The following NIPSNAP2 variants were observed in gnomAD, a reference collection of about 807,000 sequenced individuals.
NIPSNAP2 encodes the protein protein NipSnap homolog 2.
In NIPSNAP2, 42 loss-of-function variants were observed where a neutral mutation model predicts 48.4. That is an observed-to-expected ratio of 0.87 (90% confidence interval 0.68 to 1.12). NIPSNAP2 has a LOEUF of 1.12. NIPSNAP2 is among the 50% of genes most tolerant of loss of function. The pLI is 0.00. For synonymous variants in NIPSNAP2, 158 were observed against 126.6 expected, an observed-to-expected ratio of 1.25 and a Z score of -1.67; for missense variants, 314 against 347.3, an observed-to-expected ratio of 0.90 and a Z score of 0.76.
At chr7:55,986,983 T>TTAAAAA (rs1554343490) in intron 7 of NIPSNAP2, among the ~76,000 whole-genome samples, 1 of 54,802 alleles carries the variant, frequency 1.8e-5, no homozygotes, top group Non-Finnish European at 3.2e-5. Context: ...CCTGTCTCTA[T>TTAAAAA]AAAAAAAAAA....
intron 7 of NIPSNAP2, among the ~76,000 whole-genome samples, chr7:55,988,804 G>A (rs1471541750): frequency 6.6e-6 from 1 of 152,006 alleles, no homozygotes; most frequent in East Asian, 1.9e-4. Flanking sequence ...GGTGGAGGTT[G>A]CAGTGAGCCA....
intron 3 of NIPSNAP2, 57 bp downstream of exon 3, chr7:55,978,452 T>G: frequency 2.9e-6 from 4 of 1,359,952 alleles, no homozygotes; most frequent in Non-Finnish European, 4.1e-6. Context: ...ATTTGTTAGT[T>G]AATTCCACTA....
At chr7:55,993,753 G>C (rs977832258) in intron 7 of NIPSNAP2, among the ~76,000 whole-genome samples, 1 of 152,000 alleles carries the variant, frequency 6.6e-6, no homozygotes, top group South Asian at 2.1e-4. Flanking sequence ...AAATTAAAGA[G>C]CTGATACCTT....
chr7:55,976,070 GTA>G (rs1046177182), intron 1 of NIPSNAP2, among the ~76,000 whole-genome samples: 4 of 138,326 alleles, frequency 2.9e-5, no homozygotes, highest in Admixed American at 2.2e-4. Flanking sequence ...GTGTGTGTGT[GTA>G]GAAATTGTTC....
intron 1 of NIPSNAP2, among the ~76,000 whole-genome samples, chr7:55,968,900 A>AG (rs1163633742): frequency 6.6e-6 from 1 of 151,900 alleles, no homozygotes; most frequent in African/African-American, 2.4e-5. Flanking sequence ...TACAACATTT[A>AG]GCAGGGTGTG....
chr7:55,978,164 G>A lies in NIPSNAP2; in HGVS notation c.131G>A (p.Ser44Asn). 6.2e-7 allele frequency: 1 copy of A among 1,614,154 alleles called. No homozygotes were observed. Among genetic ancestry groups the A allele is most frequent in the Non-Finnish European group, 8.5e-7 (1 of 1,180,026 alleles). The stretch of plus-strand genomic sequence containing the variant: ...TCCAGCAACAGATCTCGAGAAGACA[G>A]CTGGCTAAAATCCTTATTTGTCCGG... ...TSSSNRSREDSWLKSLFVRKV... is the reference protein window; with the variant it reads ...TSSSNRSREDNWLKSLFVRKV... Residue 44 changes from serine to asparagine, a missense_variant, in exon 2 of 10, where the codon AGC (serine) becomes AAC (asparagine). Ser to Asn is a conservative substitution (Grantham distance 46). Coordinates refer to ENST00000322090, the MANE Select transcript of NIPSNAP2 (RefSeq NM_001483.3).
At chr7:55,983,700 T>C (rs1361801860) in intron 5 of NIPSNAP2, 28 bp from the exon 6 acceptor site, 1 of 1,612,194 alleles carries the variant, frequency 6.2e-7, no homozygotes. Flanking sequence ...ATCAGAAGAT[T>C]TCATGAGCAC....
intron 7 of NIPSNAP2, among the ~76,000 whole-genome samples, chr7:55,993,478 T>A (rs1584351648): frequency 6.7e-6 from 1 of 150,138 alleles, no homozygotes; most frequent in South Asian, 2.1e-4. Context: ...ACTCGGGAGG[T>A]TGAGGCAGGA....
At chr7:55,968,172 C>T (rs1383877194) in intron 1 of NIPSNAP2, among the ~76,000 whole-genome samples, 1 of 152,108 alleles carries the variant, frequency 6.6e-6, no homozygotes, top group Non-Finnish European at 1.5e-5. Flanking sequence ...CTAATCCCTC[C>T]TCCCTGTCTG....
chr7:55,984,000 T>A, intron 6 of NIPSNAP2, 132 bp downstream of exon 6: 1 of 647,380 alleles, frequency 1.5e-6, no homozygotes, highest in Admixed American at 3.7e-5. Context: ...TATATGTATT[T>A]TTTTAAGACT....
chr7:55,968,652 C>T (rs1449392160), intron 1 of NIPSNAP2, among the ~76,000 whole-genome samples: 2 of 152,162 alleles, frequency 1.3e-5, no homozygotes, highest in Non-Finnish European at 2.9e-5. Flanking sequence ...GCTTTGGTCT[C>T]CCAAAGTGGT....
intron 7 of NIPSNAP2, among the ~76,000 whole-genome samples, chr7:55,992,257 T>C (rs1287437102): frequency 2.0e-5 from 3 of 152,052 alleles, no homozygotes; most frequent in African/African-American, 7.2e-5. Flanking sequence ...CTGGATTGCT[T>C]GAGCCCAGGA....
chr7:55,970,352 A>T (rs1786994873), intron 1 of NIPSNAP2, among the ~76,000 whole-genome samples: 1 of 143,210 alleles, frequency 7.0e-6, no homozygotes, highest in Admixed American at 7.3e-5. Context: ...ACTCTTGCCC[A>T]GGCTGGAGAG....
chr7:55,978,077 G>C, intron 1 of NIPSNAP2, 49 bp from the exon 2 acceptor site: 1 of 1,598,348 alleles, frequency 6.3e-7, no homozygotes, highest in East Asian at 2.2e-5. Flanking sequence ...TTAACTGATG[G>C]ATATATGAAA....
At chr7:55,983,996 T>TATATATATGA in intron 6 of NIPSNAP2, 128 bp downstream of exon 6, 1 of 672,422 alleles carries the variant, frequency 1.5e-6, no homozygotes, top group Non-Finnish European at 2.2e-6. Context: ...TATATATATG[T>TATATATATGA]ATTTTTTTAA....
At chr7:55,977,163 G>C (rs753308329) in intron 1 of NIPSNAP2, among the ~76,000 whole-genome samples, 12 of 152,030 alleles carry the variant, frequency 7.9e-5, no homozygotes, top group Non-Finnish European at 1.5e-4. Flanking sequence ...GGCTGAGGCA[G>C]GTGGATTGCC....
chr7:55,979,541 A>G (rs1787169567), intron 3 of NIPSNAP2: 3 of 331,958 alleles, frequency 9.0e-6, no homozygotes, highest in South Asian at 4.9e-5. Context: ...TTCATCGGAC[A>G]TGTATTTTGG....
At chr7:55,968,572 G>A (rs1266431350) in intron 1 of NIPSNAP2, among the ~76,000 whole-genome samples, 5 of 151,992 alleles carry the variant, frequency 3.3e-5, no homozygotes, top group Non-Finnish European at 7.4e-5. Context: ...ATTTTTAATA[G>A]AGATGGGGTT....
At chr7:55,972,440 T>C (rs959770585) in intron 1 of NIPSNAP2, among the ~76,000 whole-genome samples, 2 of 151,356 alleles carry the variant, frequency 1.3e-5, no homozygotes, top group Non-Finnish European at 3.0e-5. Context: ...TTTTCTTTTT[T>C]TTTTTTTTTG....
Sources: allele counts gnomAD v4.1 joint callset (sites outside exome capture counted in the v4.1 genomes callset), GRCh38; gene constraint gnomAD v4.1.1; transcripts MANE v1.5; gene names NCBI Gene and HGNC (gene_info 2026-07-23, HGNC 2026-07-21).